Variants in KAT6B observed in about 807,000 individuals in gnomAD.
The protein encoded by KAT6B is histone acetyltransferase KAT6B.
Under a neutral mutation model 187.5 loss-of-function variants are expected in KAT6B, and 10 were observed. The observed-to-expected ratio is 0.05, with a 90% CI of 0.03 to 0.09. The LOEUF (loss-of-function observed/expected upper bound fraction) is 0.09. Ranked by LOEUF, KAT6B falls within the 10% of genes least tolerant of loss-of-function variation. The pLI, the probability that KAT6B is intolerant of heterozygous loss-of-function variation, is 1.00. For synonymous variants in KAT6B, 861 were observed against 926.8 expected, an observed-to-expected ratio of 0.93 and a Z score of 1.29; for missense variants, 1,952 against 2,558.9, an observed-to-expected ratio of 0.76 and a Z score of 5.12.
At chr10:74,836,869 A>G (rs1841347814) in intron 1 of KAT6B, among the ~76,000 whole-genome samples, 1 of 152,246 alleles carries the variant, frequency 6.6e-6, no homozygotes, top group African/African-American at 2.4e-5. Flanking sequence ...CCTTTGGGGA[A>G]AAAAAAGAAA....
chr10:74,870,064 G>C (rs1174774410), intron 3 of KAT6B, among the ~76,000 whole-genome samples: 1 of 152,000 alleles, frequency 6.6e-6, no homozygotes, highest in Non-Finnish European at 1.5e-5. Flanking sequence ...AGGATCAGTT[G>C]AGTCCGGGAG....
intron 3 of KAT6B, among the ~76,000 whole-genome samples, chr10:74,956,501 C>T (rs572491205): frequency 2.0e-5 from 3 of 152,208 alleles, no homozygotes; most frequent in South Asian, 4.1e-4. Context: ...AGATTATGAA[C>T]ACATTAGTAA....
intron 10 of KAT6B, among the ~76,000 whole-genome samples, chr10:74,981,388 T>G (rs989155318): frequency 6.6e-6 from 1 of 152,008 alleles, no homozygotes; most frequent in African/African-American, 2.4e-5. Flanking sequence ...CTTTCTTTAT[T>G]TTTTTGACGG....
intron 13 of KAT6B, among the ~76,000 whole-genome samples, chr10:75,012,644 C>T (rs1394013355): frequency 6.6e-6 from 1 of 152,210 alleles, no homozygotes; most frequent in African/African-American, 2.4e-5. Context: ...GGGAAGTCCC[C>T]TTTCGTGCTG....
At chr10:74,902,346 C>T (rs138689018) in intron 3 of KAT6B, among the ~76,000 whole-genome samples, 1 of 152,070 alleles carries the variant, frequency 6.6e-6, no homozygotes, top group East Asian at 1.9e-4. Flanking sequence ...CCCATGCTTT[C>T]CAAAGCAGGG....
intron 3 of KAT6B, among the ~76,000 whole-genome samples, chr10:74,928,366 C>T (rs1848642749): frequency 6.6e-6 from 1 of 152,062 alleles, no homozygotes; most frequent in South Asian, 2.1e-4. Context: ...AAGAAACTAG[C>T]AGTATGATTG....
Position 74,940,913 on chromosome 10 carries a change from A to C in KAT6B, c.622-19057A>C, listed in dbSNP as rs144196314. On this transcript the variant is annotated intron_variant, in intron 3 of 17. Transcript: ENST00000287239. Reference sequence around the variant, plus strand: ...ACTGTCCAGTGTTCTGATGATTCAGAGCTGTGATTCCAAAGTTGGGGTACC... The same window carrying C: ...ACTGTCCAGTGTTCTGATGATTCAGCGCTGTGATTCCAAAGTTGGGGTACC... 5.2e-3 allele frequency among the ~76,000 whole-genome samples: 791 copies of C among 152,300 alleles called. 10 individuals are homozygous for C. The highest frequency in any genetic ancestry group is 0.018 in the African/African-American group (745 of 41,554).
At chr10:75,012,358 G>A (rs1844668415) in intron 13 of KAT6B, among the ~76,000 whole-genome samples, 1 of 152,068 alleles carries the variant, frequency 6.6e-6, no homozygotes, top group South Asian at 2.1e-4. Flanking sequence ...GAGGTGGGAG[G>A]ATTTCTTGAG....
chr10:74,985,784 C>T (rs1235957089), intron 12 of KAT6B, among the ~76,000 whole-genome samples: 5 of 152,170 alleles, frequency 3.3e-5, no homozygotes, highest in African/African-American at 7.2e-5. Flanking sequence ...CAGTGGCTTA[C>T]GCGTGTAATC....
intron 2 of KAT6B, among the ~76,000 whole-genome samples, chr10:74,842,072 C>G (rs923042785): frequency 6.6e-6 from 1 of 152,104 alleles, no homozygotes; most frequent in African/African-American, 2.4e-5. Flanking sequence ...GTATCATAGA[C>G]CTCTGTTAAA....
chr10:75,030,547 C>T lies in KAT6B; in HGVS notation c.5723C>T (p.Ser1908Phe), dbSNP rs267602578. ...RNMAASNIGISHSQRLQTQIA... is the reference protein window; with the variant it reads ...RNMAASNIGIFHSQRLQTQIA... The stretch of plus-strand genomic sequence containing the variant: ...ATGGCTGCATCAAATATTGGCATCT[C>T]TCACAGCCAAAGACTGCAAACCCAG... Residue 1908 changes from serine (S) to phenylalanine (F), a missense_variant, in exon 18 of 18, where the codon TCT (serine) becomes TTT (phenylalanine). By Grantham distance (155) the Ser-to-Phe change is radical. Coordinates refer to ENST00000287239, the MANE Select transcript of KAT6B (RefSeq NM_012330.4). The surrounding 1 kb of genome is among the most constrained non-coding windows in gnomAD (Gnocchi z 4.8). 1.2e-6 allele frequency: 2 copies of T among 1,607,974 alleles called. No individual in the cohort carries two copies. The highest frequency in any genetic ancestry group is 1.7e-6 in the Non-Finnish European group (2 of 1,175,208).
rs772127144 is a variant in KAT6B, at chr10:75,029,876, C to T, written c.5052C>T (p.Ser1684=). The T allele has an allele frequency of 2.5e-6, 4 of 1,614,102 alleles. No individual in the cohort carries two copies. The Admixed American group carries it at 5.0e-5, about 20-fold the overall frequency. The change falls in exon 18 of 18, where the codon AGC becomes AGT. Residue 1684 remains serine, a synonymous_variant. Coordinates refer to ENST00000287239, the MANE Select transcript of KAT6B (RefSeq NM_012330.4). This position sits in a 1 kb window ranked among gnomAD's most constrained non-coding sequence, Gnocchi z 6.2. ...ESTTENYENP[S]SYDSTMGGSI... The stretch of plus-strand genomic sequence containing the variant: ...CAACTGAGAACTACGAAAACCCAAG[C>T]AGCTACGATTCTACTATGGGAGGCA...
intron 3 of KAT6B, among the ~76,000 whole-genome samples, chr10:74,920,610 G>C (rs1245628188): frequency 6.6e-6 from 1 of 151,904 alleles, no homozygotes; most frequent in African/African-American, 2.4e-5. Context: ...TTTTCAACCA[G>C]ATCATAAACT....
At chr10:74,826,132 G>A (rs554790419), upstream of KAT6B, among the ~76,000 whole-genome samples, 3 of 148,422 alleles carry the variant, frequency 2.0e-5, no homozygotes, top group South Asian at 2.2e-4. Context: ...GGGCTAGGGG[G>A]TTTGGGGTTG....
intron 12 of KAT6B, among the ~76,000 whole-genome samples, chr10:74,987,475 A>G (rs1037225720): frequency 5.9e-5 from 9 of 152,294 alleles, no homozygotes; most frequent in Non-Finnish European, 7.3e-5. Flanking sequence ...CTCATGTGTC[A>G]GCTGGAATCT....
chr10:74,874,660 CG>C (rs1198892013), intron 3 of KAT6B, among the ~76,000 whole-genome samples: 2 of 152,110 alleles, frequency 1.3e-5, no homozygotes, highest in African/African-American at 2.4e-5. Context: ...GGATTATAAG[CG>C]TGAGCCACCA....
chr10:74,916,545 T>C (rs1023195133), intron 3 of KAT6B, among the ~76,000 whole-genome samples: 2 of 152,220 alleles, frequency 1.3e-5, no homozygotes, highest in African/African-American at 4.8e-5. Context: ...GGTTTTATAT[T>C]ACCCAGAGAA....
At chr10:74,885,051 AAATTAATT>A (rs1320366609) in intron 3 of KAT6B, among the ~76,000 whole-genome samples, 1 of 151,918 alleles carries the variant, frequency 6.6e-6, no homozygotes, top group Non-Finnish European at 1.5e-5. Flanking sequence ...TTGAAAATGT[AAATTAATT>A]AATTAATTAA....
intron 1 of KAT6B, among the ~76,000 whole-genome samples, chr10:74,830,730 T>G (rs1441200914): frequency 1.8e-5 from 1 of 54,170 alleles, no homozygotes; most frequent in Non-Finnish European, 3.3e-5. Flanking sequence ...GCACAGCTCT[T>G]CATATATATA....
Sources: allele counts gnomAD v4.1 joint callset (sites outside exome capture counted in the v4.1 genomes callset), GRCh38; gene constraint gnomAD v4.1.1; non-coding constraint Gnocchi (gnomAD v3.1); transcripts MANE v1.5; gene names NCBI Gene and HGNC (gene_info 2026-07-23, HGNC 2026-07-21).